Variants in DGKB observed in about 807,000 individuals in gnomAD.
The protein encoded by DGKB is 90 kDa diacylglycerol kinase.
A neutral mutation model predicts 114.3 loss-of-function variants in DGKB; 67 were observed. The ratio of observed to expected loss-of-function variants is 0.59; its 90% CI spans 0.48 to 0.72. DGKB has a LOEUF of 0.72. DGKB is among the 30% of genes least tolerant of loss of function. The pLI is 0.00. For missense variants in DGKB, 907 were observed against 975.2 expected, an observed-to-expected ratio of 0.93 and a Z score of 0.93; for synonymous variants, 398 against 323.1, an observed-to-expected ratio of 1.23 and a Z score of -2.49.
At chr7:14,203,586 G>A (rs1015159201) in intron 23 of DGKB, among the ~76,000 whole-genome samples, 2 of 151,960 alleles carry the variant, frequency 1.3e-5, no homozygotes, top group East Asian at 3.9e-4. Context: ...CATGCATGCA[G>A]TTTTGCAGGT....
intron 20 of DGKB, among the ~76,000 whole-genome samples, chr7:14,482,059 C>A (rs970450683): frequency 7.9e-5 from 12 of 151,832 alleles, no homozygotes; most frequent in African/African-American, 2.9e-4. Context: ...GTTCAAGACC[C>A]AGCTCTAAAT....
At chr7:14,534,515 A>G (rs1293933146) in intron 20 of DGKB, among the ~76,000 whole-genome samples, 1 of 152,144 alleles carries the variant, frequency 6.6e-6, no homozygotes, top group African/African-American at 2.4e-5. Flanking sequence ...GAGTAGATGA[A>G]TGGACAAAAA....
At chr7:14,892,984 GTATGTATATATGTATATA>G (rs1052547405) in intron 1 of DGKB, among the ~76,000 whole-genome samples, 1 of 150,222 alleles carries the variant, frequency 6.7e-6, no homozygotes, top group Non-Finnish European at 1.5e-5. Flanking sequence ...ATATATAGAT[GTATGTATATATGTATATA>G]TGTGTATATA....
intron 13 of DGKB, among the ~76,000 whole-genome samples, chr7:14,663,307 G>C (rs1198534191): frequency 6.6e-6 from 1 of 151,976 alleles, no homozygotes; most frequent in Non-Finnish European, 1.5e-5. Context: ...AGTAATGATG[G>C]TGAGTGCATA....
At position 14,549,047 on chromosome 7, in the gene DGKB, G is replaced by C. The variant is rs2195753; in HGVS notation, c.1770+25165C>G. 2.6e-5 allele frequency among the ~76,000 whole-genome samples: 4 copies of C among 151,858 alleles called. 1 individual carries two copies. The highest frequency in any genetic ancestry group is 5.9e-5 in the Non-Finnish European group (4 of 67,972). Reference sequence around the variant, plus strand: ...AGAGTAGAACAGAAAAACAATCCTGGTGATCATCAGCAATTAAAGGAAAAG... The same window carrying C: ...AGAGTAGAACAGAAAAACAATCCTGCTGATCATCAGCAATTAAAGGAAAAG... On this transcript the variant is annotated intron_variant, in intron 20 of 25. Transcript: ENST00000402815.
intron 23 of DGKB, among the ~76,000 whole-genome samples, chr7:14,285,839 C>T (rs1002121573): frequency 6.6e-6 from 1 of 152,072 alleles, no homozygotes; most frequent in Non-Finnish European, 1.5e-5. Context: ...CTTAAAATCC[C>T]TAATGGCAGT....
chr7:14,704,687 A>G (rs985277472), intron 6 of DGKB, among the ~76,000 whole-genome samples: 4 of 152,066 alleles, frequency 2.6e-5, no homozygotes, highest in African/African-American at 9.7e-5. Flanking sequence ...CCTAACTGGG[A>G]GGCACCCTCC....
rs114365475 is a variant in DGKB at position 14,185,207 on chromosome 7, G to T, written c.2123-7056C>A. 7.1e-3 allele frequency among the ~76,000 whole-genome samples: 1,076 copies of T among 152,206 alleles called. 11 individuals are homozygous for T. The highest frequency in any genetic ancestry group is 0.024 in the African/African-American group (1,008 of 41,518). On this transcript the variant is annotated intron_variant, in intron 23 of 25. Transcript: ENST00000402815. ...CAGGATTAATGTACACAAATCAGTA[G>T]CTCTTGTACACAATAATGGCGACCA...
intron 21 of DGKB, among the ~76,000 whole-genome samples, chr7:14,347,648 G>A (rs1812705256): frequency 6.6e-6 from 1 of 151,928 alleles, no homozygotes; most frequent in African/African-American, 2.4e-5. Context: ...TTGGTCAAAG[G>A]ATGCAAACTT....
At chr7:14,408,168 T>A (rs942408810) in intron 21 of DGKB, among the ~76,000 whole-genome samples, 3 of 152,152 alleles carry the variant, frequency 2.0e-5, no homozygotes, top group Admixed American at 2.0e-4. Flanking sequence ...GGTTTAATGA[T>A]CAATTACTCA....
At chr7:14,677,076 T>A (rs1819993393) in intron 12 of DGKB, among the ~76,000 whole-genome samples, 1 of 151,908 alleles carries the variant, frequency 6.6e-6, no homozygotes, top group Non-Finnish European at 1.5e-5. Flanking sequence ...TATGACAACT[T>A]CCAGTAGCAC....
At chr7:14,953,666 C>T (rs977736799) in intron 1 of DGKB, among the ~76,000 whole-genome samples, 6 of 152,064 alleles carry the variant, frequency 3.9e-5, no homozygotes, top group Admixed American at 3.3e-4. Flanking sequence ...CTTGAGTTAC[C>T]AGTTCACCTA....
chr7:14,574,453 G>C, intron 19 of DGKB, 81 bp from the exon 20 acceptor site: 1 of 1,138,686 alleles, frequency 8.8e-7, no homozygotes, highest in Non-Finnish European at 1.3e-6. Context: ...GTGTGCTTAT[G>C]CATATGTAAT....
chr7:14,312,163 T>C (rs1370014225), intron 23 of DGKB, among the ~76,000 whole-genome samples: 1 of 152,220 alleles, frequency 6.6e-6, no homozygotes, highest in African/African-American at 2.4e-5. Context: ...TATAGAGTTT[T>C]AACTTGAGTT....
chr7:14,775,337 A>G (rs573271580), intron 2 of DGKB, among the ~76,000 whole-genome samples: 104 of 152,090 alleles, frequency 6.8e-4, no homozygotes, highest in African/African-American at 2.3e-3. Context: ...TTAAATTTGT[A>G]TTCATGTTAA....
intron 21 of DGKB, among the ~76,000 whole-genome samples, chr7:14,407,445 G>C (rs534880796): frequency 3.3e-5 from 5 of 151,970 alleles, no homozygotes; most frequent in Non-Finnish European, 7.4e-5. Context: ...GGAGAACTTT[G>C]CTCCAGGATT....
At chr7:14,538,085 CAAAAAA>C (rs58405374) in intron 20 of DGKB, among the ~76,000 whole-genome samples, 3 of 44,798 alleles carry the variant, frequency 6.7e-5, no homozygotes, top group African/African-American at 2.2e-4. Flanking sequence ...ATCTCTGTCT[CAAAAAA>C]AAAAAAAAAA....
chr7:14,397,131 A>C (rs536528816), intron 21 of DGKB, among the ~76,000 whole-genome samples: 1 of 152,146 alleles, frequency 6.6e-6, no homozygotes, highest in Non-Finnish European at 1.5e-5. Context: ...GCAATTTTAC[A>C]TAGGTAGACA....
At chr7:14,894,070 T>C (rs1189280578) in intron 1 of DGKB, among the ~76,000 whole-genome samples, 1 of 151,264 alleles carries the variant, frequency 6.6e-6, no homozygotes, top group Non-Finnish European at 1.5e-5. Context: ...TTTCCAAATA[T>C]ATATTAATAG....
Sources: allele counts gnomAD v4.1 joint callset (sites outside exome capture counted in the v4.1 genomes callset), GRCh38; gene constraint gnomAD v4.1.1; transcripts MANE v1.5; gene names NCBI Gene and HGNC (gene_info 2026-07-23, HGNC 2026-07-21).